GPR158: variants seen among roughly 807,000 people sequenced by gnomAD.
The protein encoded by GPR158 is G protein-coupled receptor 158, also known as metabotropic glycine receptor.
Under a neutral mutation model 78.2 loss-of-function variants are expected in GPR158, and 30 were observed. The observed-to-expected ratio is 0.38, with a 90% CI of 0.29 to 0.52. GPR158 has a LOEUF of 0.52. Ranked by LOEUF, GPR158 falls within the 20% of genes least tolerant of loss-of-function variation. GPR158 has a pLI of 0.83. For missense variants in GPR158, 1,463 were observed against 1,523.5 expected (o/e 0.96, Z 0.66); for synonymous variants, 581 against 591.1 (o/e 0.98, Z 0.25).
At chr10:25,577,317 T>C in intron 7 of GPR158, among the ~76,000 whole-genome samples, 1 of 152,172 alleles carries the variant, frequency 6.6e-6, no homozygotes, top group East Asian at 1.9e-4. Context: ...GAGGTAATGT[T>C]CCCATATAGG....
intron 1 of GPR158, among the ~76,000 whole-genome samples, chr10:25,207,470 G>A (rs1394403606): frequency 6.6e-6 from 1 of 152,132 alleles, no homozygotes; most frequent in African/African-American, 2.4e-5. Context: ...GATGGTTTCA[G>A]GATGAAACTG....
At chr10:25,371,907 G>A (rs1432524221) in intron 2 of GPR158, among the ~76,000 whole-genome samples, 1 of 141,594 alleles carries the variant, frequency 7.1e-6, no homozygotes, top group African/African-American at 2.7e-5. Context: ...ACTACCATCA[G>A]AGTGAACAGG....
chr10:25,271,357 A>G (rs1436503477), intron 2 of GPR158, among the ~76,000 whole-genome samples: 1 of 152,178 alleles, frequency 6.6e-6, no homozygotes, highest in Non-Finnish European at 1.5e-5. Flanking sequence ...TTTAAGCTAC[A>G]TGTGTCTGTT....
At chr10:25,206,423 ATAAT>A (rs752098506) in intron 1 of GPR158, among the ~76,000 whole-genome samples, 35 of 152,196 alleles carry the variant, frequency 2.3e-4, no homozygotes, top group Non-Finnish European at 4.1e-4. Context: ...AAGCAGTGAA[ATAAT>A]TATTTTTCTA....
intron 2 of GPR158, among the ~76,000 whole-genome samples, chr10:25,298,196 T>A (rs1854542964): frequency 6.6e-6 from 1 of 152,242 alleles, no homozygotes; most frequent in Non-Finnish European, 1.5e-5. Context: ...ATTCTAGAGT[T>A]CTACATGTTA....
intron 5 of GPR158, among the ~76,000 whole-genome samples, chr10:25,481,908 T>C (rs1271239408): frequency 2.0e-5 from 3 of 152,226 alleles, no homozygotes; most frequent in East Asian, 3.9e-4. Flanking sequence ...GTCTGTTTTA[T>C]ACATAGTCAT....
intron 4 of GPR158, among the ~76,000 whole-genome samples, chr10:25,458,116 T>A (rs1388132688): frequency 6.6e-6 from 1 of 152,206 alleles, no homozygotes; most frequent in Non-Finnish European, 1.5e-5. Context: ...GTGAACTTTA[T>A]TTTTTGATAA....
At chr10:25,200,614 C>T (rs2130654153) in intron 1 of GPR158, among the ~76,000 whole-genome samples, 1 of 152,146 alleles carries the variant, frequency 6.6e-6, no homozygotes, top group Non-Finnish European at 1.5e-5. Context: ...GGGTCATCTT[C>T]CAGGGTTTTT....
At chr10:25,499,887 G>A (rs1032473113) in intron 5 of GPR158, among the ~76,000 whole-genome samples, 3 of 152,162 alleles carry the variant, frequency 2.0e-5, no homozygotes, top group African/African-American at 7.2e-5. Context: ...ACAGTAGGAG[G>A]TGAGCTCAGA....
At chr10:25,307,612 C>A (rs1012938685) in intron 2 of GPR158, among the ~76,000 whole-genome samples, 2 of 151,988 alleles carry the variant, frequency 1.3e-5, no homozygotes, top group African/African-American at 4.8e-5. Context: ...TGGGCTCAAG[C>A]AATCTTCCTG....
intron 1 of GPR158, among the ~76,000 whole-genome samples, chr10:25,206,277 G>A (rs183068753): frequency 5.4e-4 from 82 of 152,188 alleles, no homozygotes; most frequent in Middle Eastern, 3.4e-3. Flanking sequence ...GTGAGCCACC[G>A]CGCCCGGCCC....
At chr10:25,521,671 G>A (rs1836277053) in intron 5 of GPR158, among the ~76,000 whole-genome samples, 1 of 152,172 alleles carries the variant, frequency 6.6e-6, no homozygotes, top group Non-Finnish European at 1.5e-5. Context: ...TCAGAGGGAA[G>A]ATCTGGGGTG....
At chr10:25,215,931 C>T (rs539456233) in intron 1 of GPR158, among the ~76,000 whole-genome samples, 1 of 152,332 alleles carries the variant, frequency 6.6e-6, no homozygotes, top group African/African-American at 2.4e-5. Flanking sequence ...GAAACTTTCT[C>T]AGCTGAATCT....
At chr10:25,595,209 A>G (rs1349027133) in intron 9 of GPR158, among the ~76,000 whole-genome samples, 1 of 152,212 alleles carries the variant, frequency 6.6e-6, no homozygotes, top group Non-Finnish European at 1.5e-5. Context: ...CAAGTCTCAC[A>G]GTTAACCAGA....
intron 2 of GPR158, among the ~76,000 whole-genome samples, chr10:25,288,334 G>T (rs868026050): frequency 6.6e-6 from 1 of 152,178 alleles, no homozygotes; most frequent in African/African-American, 2.4e-5. Flanking sequence ...AGAGCATCTA[G>T]TCCTGCTCTT....
intron 2 of GPR158, among the ~76,000 whole-genome samples, chr10:25,316,237 G>A (rs1854846218): frequency 6.6e-6 from 1 of 152,050 alleles, no homozygotes; most frequent in Non-Finnish European, 1.5e-5. Context: ...ATTTACCCAG[G>A]TATCTGGTAG....
At chr10:25,457,729 A>G (rs1275680685) in intron 4 of GPR158, among the ~76,000 whole-genome samples, 4 of 152,222 alleles carry the variant, frequency 2.6e-5, no homozygotes, top group Non-Finnish European at 5.9e-5. Flanking sequence ...GATCATGAGC[A>G]TGAGGGATAA....
At chr10:25,360,593 C>G (rs1159463926) in intron 2 of GPR158, among the ~76,000 whole-genome samples, 2 of 152,134 alleles carry the variant, frequency 1.3e-5, no homozygotes, top group African/African-American at 4.8e-5. Flanking sequence ...AGCCTCTGTT[C>G]TGTTCCATTG....
In GPR158 at chr10:25,555,058, GGGGA is replaced by G. The variant is rs200337076; in HGVS notation, c.1514+3984_1514+3987del. On this transcript the variant is annotated intron_variant, in intron 6 of 10. Coordinates refer to ENST00000376351, the MANE Select transcript of GPR158 (RefSeq NM_020752.3). ...AAAAGAAGGAAGGAAAAGGAAAGAAGGGGAGGGAGGGAGGAAGGAAGGAAAGAAG... is the reference window on the plus strand; with the variant it reads ...AAAAGAAGGAAGGAAAAGGAAAGAAGGGGAGGGAGGAAGGAAGGAAAGAAG... 4.6e-5 allele frequency among the ~76,000 whole-genome samples: 7 copies of G among 151,692 alleles called. 1 individual carries two copies. The highest frequency in any genetic ancestry group is 4.2e-4 in the South Asian group (2 of 4,792).
Sources: gnomAD v4.1 joint callset for allele counts (sites outside exome capture counted in the v4.1 genomes callset) on GRCh38, gnomAD v4.1.1 for gene constraint, MANE v1.5 for transcripts, NCBI Gene and HGNC (gene_info 2026-07-23, HGNC 2026-07-21) for gene names.